Variants in ABCD3 observed in about 807,000 individuals in gnomAD.
ABCD3 encodes ATP binding cassette subfamily D member 3, also known as ATP-binding cassette sub-family D member 3.
ABCD3 carries 41 observed loss-of-function variants against 105.5 expected under a neutral mutation model. The observed-to-expected ratio is 0.39, with a 90% CI of 0.30 to 0.50. The LOEUF is 0.50. ABCD3 is among the 20% of genes least tolerant of loss of function. ABCD3 has a pLI of 0.84. For synonymous variants in ABCD3, 258 were observed against 269.0 expected, an observed-to-expected ratio of 0.96 and a Z score of 0.40; for missense variants, 622 against 806.3, an observed-to-expected ratio of 0.77 and a Z score of 2.77.
At position 94,487,727 on chromosome 1, in the gene ABCD3, G is replaced by C. The variant is rs1649338597; in HGVS notation, c.1001G>C (p.Ser334Thr). The change falls in exon 12 of 23, where the codon AGT (serine) becomes ACT (threonine). Residue 334 changes from serine (S) to threonine (T), a missense_variant. Physicochemically the swap from Ser to Thr is moderately conservative, Grantham distance 58. This residue lies in a region of ABCD3 where 245 missense variants were observed against 356.4 expected (regional missense o/e 0.69). Coordinates refer to ENST00000370214, the MANE Select transcript of ABCD3 (RefSeq NM_002858.4). ...LATVVGYLVVSRPFLDLSHPR... is the reference protein window; with the variant it reads ...LATVVGYLVVTRPFLDLSHPR... ...ACTGTTGTTGGTTACCTAGTTGTCA[G>C]TCGCCCTTTCTTAGATTTGTCTCAT... The C allele has an allele frequency of 6.2e-7, 1 of 1,614,064 alleles. No homozygotes were observed. The highest frequency in any genetic ancestry group is 8.5e-7 in the Non-Finnish European group (1 of 1,179,954).
chr1:94,484,163 A>T (rs1337397282), intron 10 of ABCD3, among the ~76,000 whole-genome samples: 1 of 152,234 alleles, frequency 6.6e-6, no homozygotes. Flanking sequence ...GATGTGGAGA[A>T]ATAGGAACAC....
chr1:94,501,448 C>T (rs1469163412), intron 20 of ABCD3, among the ~76,000 whole-genome samples: 2 of 152,148 alleles, frequency 1.3e-5, no homozygotes, highest in Non-Finnish European at 2.9e-5. Flanking sequence ...AGAAGGCTAA[C>T]GCTACAAATA....
intron 20 of ABCD3, among the ~76,000 whole-genome samples, chr1:94,499,971 C>G (rs1363085054): frequency 6.6e-6 from 1 of 152,108 alleles, no homozygotes; most frequent in Non-Finnish European, 1.5e-5. Flanking sequence ...ATAGACATCT[C>G]TTTTGTATCA....
At chr1:94,482,261 T>C (rs1376848104) in intron 9 of ABCD3, 1 of 152,200 alleles carries the variant, frequency 6.6e-6, no homozygotes, top group Non-Finnish European at 1.5e-5. Flanking sequence ...CTTGAAGTGG[T>C]TGAGGTAGGT....
chr1:94,446,346 A>G (rs189832333), intron 1 of ABCD3, among the ~76,000 whole-genome samples: 1 of 152,214 alleles, frequency 6.6e-6, no homozygotes, highest in East Asian at 1.9e-4. Flanking sequence ...AAAGGTCCCA[A>G]CAGGAGTCTG....
In ABCD3 at chr1:94,491,193, T is replaced by C. The variant is rs1649519118; in HGVS notation, c.1332T>C (p.His444=). The stretch of plus-strand genomic sequence containing the variant: ...AAAATTTCCTCTATAGGTTTGATCA[T>C]GTTCCTTTAGCAACGCCAAATGGAG... ...IIADNIIKFD[H]VPLATPNGDV... Residue 444 remains histidine, a synonymous_variant, in exon 16 of 23, where the codon CAT becomes CAC. Transcript: ENST00000370214. 6.2e-7 allele frequency: 1 copy of C among 1,611,618 alleles called. No individual in the cohort carries two copies. Among genetic ancestry groups the C allele is most frequent in the African/African-American group, 1.3e-5 (1 of 74,874 alleles).
the ABCD3 span, chr1:94,406,454 C>A: frequency 2.6e-6 from 1 of 385,656 alleles, no homozygotes; most frequent in South Asian, 2.4e-5. Context: ...CAGTTTTTCT[C>A]ACAAAGTGTG....
At chr1:94,445,987 G>A (rs567000793) in intron 1 of ABCD3, among the ~76,000 whole-genome samples, 19 of 152,234 alleles carry the variant, frequency 1.2e-4, no homozygotes, top group South Asian at 1.2e-3. Context: ...GTGGGTAAAG[G>A]AAATACTCAG....
chr1:94,404,585 C>A, the ABCD3 span, among the ~76,000 whole-genome samples: 1 of 151,990 alleles, frequency 6.6e-6, no homozygotes, highest in Admixed American at 6.6e-5. Context: ...TTCCAAGAGT[C>A]AAGCTTATGC....
chr1:94,460,377 C>A (rs1647810505), intron 2 of ABCD3, among the ~76,000 whole-genome samples: 1 of 152,114 alleles, frequency 6.6e-6, no homozygotes, highest in African/African-American at 2.4e-5. Flanking sequence ...TGCTCTGTGA[C>A]ATCTCTTAAT....
intron 1 of ABCD3, among the ~76,000 whole-genome samples, chr1:94,424,179 T>C (rs1034926190): frequency 1.3e-5 from 2 of 152,170 alleles, no homozygotes; most frequent in African/African-American, 4.8e-5. Context: ...TTCTGAGAAC[T>C]GTGTAGCTGT....
At chr1:94,458,529 T>C (rs1208084495) in intron 1 of ABCD3, 78 bp from the exon 2 acceptor site, 1 of 1,280,180 alleles carries the variant, frequency 7.8e-7, no homozygotes, top group Admixed American at 1.7e-5. Context: ...ATTTGGTATA[T>C]TTGACATCTT....
chr1:94,394,723 C>T, the ABCD3 span, among the ~76,000 whole-genome samples: 3 of 152,316 alleles, frequency 2.0e-5, no homozygotes, highest in East Asian at 3.9e-4. Flanking sequence ...GTCTTAGGTT[C>T]CTACTCCTTT....
chr1:94,394,623 G>A, the ABCD3 span, among the ~76,000 whole-genome samples: 1 of 152,140 alleles, frequency 6.6e-6, no homozygotes, highest in Non-Finnish European at 1.5e-5. Context: ...GAGCGGAGAG[G>A]AAAATGCTTG....
chr1:94,502,755 C>A (rs1242145363), intron 20 of ABCD3, among the ~76,000 whole-genome samples: 1 of 152,102 alleles, frequency 6.6e-6, no homozygotes, highest in Non-Finnish European at 1.5e-5. Context: ...CTGCTTCGAC[C>A]TCCCAATGTG....
chr1:94,434,190 TA>T (rs1371292941), intron 1 of ABCD3, among the ~76,000 whole-genome samples: 2 of 152,162 alleles, frequency 1.3e-5, no homozygotes, highest in African/African-American at 4.8e-5. Context: ...AAAAATTTTT[TA>T]GTTTAAAAAA....
intron 16 of ABCD3, 91 bp downstream of exon 16, chr1:94,491,338 C>T (rs190781678): frequency 3.3e-4 from 319 of 954,204 alleles, no homozygotes; most frequent in East Asian, 2.7e-3. Flanking sequence ...AACTTTAAGG[C>T]TCGACTTAGT....
At chr1:94,451,031 T>C (rs1343734586) in intron 1 of ABCD3, among the ~76,000 whole-genome samples, 1 of 152,218 alleles carries the variant, frequency 6.6e-6, no homozygotes, top group African/African-American at 2.4e-5. Flanking sequence ...ACCTATTGAT[T>C]ATATGTTTAA....
intron 10 of ABCD3, among the ~76,000 whole-genome samples, chr1:94,486,603 C>T (rs1289938720): frequency 1.3e-5 from 2 of 152,150 alleles, no homozygotes; most frequent in East Asian, 1.9e-4. Context: ...TGTATAATTT[C>T]AGGTAGTAAT....
Sources: allele counts gnomAD v4.1 joint callset (sites outside exome capture counted in the v4.1 genomes callset), GRCh38; gene constraint gnomAD v4.1.1; regional missense constraint gnomAD v4.1.1; transcripts MANE v1.5; gene names NCBI Gene and HGNC (gene_info 2026-07-23, HGNC 2026-07-21).